The following ATP8A2 variants were observed in gnomAD, a reference collection of about 807,000 sequenced individuals.
The protein encoded by ATP8A2 is phospholipid-transporting ATPase IB.
A neutral mutation model predicts 165.6 loss-of-function variants in ATP8A2; 100 were observed. The observed-to-expected ratio is 0.60, with a 90% CI of 0.51 to 0.71. The LOEUF is 0.71. Among genes scored for constraint, ATP8A2 ranks in the 30% least tolerant of loss-of-function variants. ATP8A2 has a pLI of 0.00. For missense variants in ATP8A2, 1,227 were observed against 1,479.5 expected (o/e 0.83, Z 2.80); for synonymous variants, 543 against 548.8 (o/e 0.99, Z 0.15).
intron 27 of ATP8A2, among the ~76,000 whole-genome samples, chr13:25,820,178 T>C (rs543157222): frequency 6.6e-6 from 1 of 152,326 alleles, no homozygotes; most frequent in East Asian, 1.9e-4. Flanking sequence ...CCTGTGCAAT[T>C]AGCCAAGACG....
rs567310148 is a variant in ATP8A2, at chr13:25,448,138, C to T, written c.77-20839C>T. Among the ~76,000 whole-genome samples, 10 of 152,310 alleles carry T rather than the reference C, an allele frequency of 6.6e-5. No homozygotes were observed. In the East Asian group the frequency reaches 1.9e-3, roughly 29 times the overall value. On this transcript the variant is annotated intron_variant, in intron 1 of 36. Transcript: ENST00000381655. ...CCAGGCTTGAGGGTGGAACCCTTGC[C>T]AGGGACTCTGTCCTTTTCTACCTAG...
At chr13:25,576,442 T>G (rs2039620703) in intron 19 of ATP8A2, among the ~76,000 whole-genome samples, 1 of 151,552 alleles carries the variant, frequency 6.6e-6, no homozygotes. Context: ...GGAGATGAGG[T>G]GAGGCTGCAC....
chr13:25,493,337 C>T (rs907246631), intron 2 of ATP8A2, among the ~76,000 whole-genome samples: 3 of 152,158 alleles, frequency 2.0e-5, no homozygotes, highest in Non-Finnish European at 4.4e-5. Flanking sequence ...TATGACTACT[C>T]ATAACTTTGT....
intron 2 of ATP8A2, among the ~76,000 whole-genome samples, chr13:25,515,840 G>A (rs1472666854): frequency 6.6e-6 from 1 of 152,214 alleles, no homozygotes; most frequent in Non-Finnish European, 1.5e-5. Flanking sequence ...CACCTGCAGG[G>A]ATGGGTCCAC....
intron 1 of ATP8A2, among the ~76,000 whole-genome samples, chr13:25,437,011 A>G (rs764296034): frequency 6.6e-6 from 1 of 152,110 alleles, no homozygotes; most frequent in Non-Finnish European, 1.5e-5. Context: ...TCCTAAGCTC[A>G]AGTGACCCAC....
At chr13:25,752,566 A>G (rs184180237) in intron 25 of ATP8A2, among the ~76,000 whole-genome samples, 4 of 152,326 alleles carry the variant, frequency 2.6e-5, no homozygotes, top group Admixed American at 2.0e-4. Flanking sequence ...CAGTAGATGT[A>G]AAATGTATTG....
At chr13:25,637,997 G>C (rs1011622186) in intron 24 of ATP8A2, among the ~76,000 whole-genome samples, 2 of 152,266 alleles carry the variant, frequency 1.3e-5, no homozygotes, top group East Asian at 1.9e-4. Context: ...AGGCAAACAG[G>C]GTCTGGAGTG....
At chr13:25,908,270 G>A (rs1954004854) in intron 33 of ATP8A2, among the ~76,000 whole-genome samples, 1 of 152,196 alleles carries the variant, frequency 6.6e-6, no homozygotes, top group South Asian at 2.1e-4. Flanking sequence ...GTCATTGTGT[G>A]CAGCTCTAGT....
chr13:25,836,297 G>A (rs954833372), intron 28 of ATP8A2, among the ~76,000 whole-genome samples: 4 of 152,238 alleles, frequency 2.6e-5, no homozygotes, highest in African/African-American at 4.8e-5. Context: ...TGCTGGGGCC[G>A]AGTGCAGGAG....
intron 24 of ATP8A2, among the ~76,000 whole-genome samples, chr13:25,613,897 G>A (rs2040754917): frequency 1.3e-5 from 2 of 152,064 alleles, no homozygotes; most frequent in Non-Finnish European, 2.9e-5. Flanking sequence ...TTTCTGCTGA[G>A]AAATCTGCTG....
chr13:25,943,885 A>G (rs1005525843), intron 33 of ATP8A2, among the ~76,000 whole-genome samples: 1 of 152,248 alleles, frequency 6.6e-6, no homozygotes, highest in Non-Finnish European at 1.5e-5. Context: ...GTAATGATGC[A>G]TGACTGCTTG....
chr13:25,691,271 G>T (rs111437010), intron 24 of ATP8A2, among the ~76,000 whole-genome samples: 2 of 152,158 alleles, frequency 1.3e-5, no homozygotes, highest in Non-Finnish European at 2.9e-5. Flanking sequence ...TGTGGCCGGG[G>T]TTACCTGACT....
intron 2 of ATP8A2, among the ~76,000 whole-genome samples, chr13:25,528,053 A>G (rs1182661800): frequency 6.6e-6 from 1 of 152,198 alleles, no homozygotes; most frequent in Non-Finnish European, 1.5e-5. Context: ...TTTGTCCTCT[A>G]AGCCATAGTT....
rs1418176184 is a variant in ATP8A2 at position 25,953,788 on chromosome 13, G to C, written c.3184-7787G>C. On this transcript the variant is annotated intron_variant, in intron 33 of 36. Transcript: ENST00000381655. The surrounding 1 kb of genome is among the most constrained non-coding windows in gnomAD (Gnocchi z 6.7). ...CTCCCCTAGCCGAGGGAAGCCGTGA[G>C]GGACTGTGCTGTAAGGAACCATGCA... Among the ~76,000 whole-genome samples the C allele has an allele frequency of 6.6e-6, 1 of 152,116 alleles. No individual in the cohort carries two copies. Among genetic ancestry groups the C allele is most frequent in the African/African-American group, 2.4e-5 (1 of 41,430 alleles).
At chr13:25,373,876 C>T (rs1427451201) in intron 1 of ATP8A2, among the ~76,000 whole-genome samples, 1 of 152,178 alleles carries the variant, frequency 6.6e-6, no homozygotes, top group Non-Finnish European at 1.5e-5. Context: ...AGGACCGGCT[C>T]CAAGAGTGTA....
intron 15 of ATP8A2, among the ~76,000 whole-genome samples, chr13:25,561,017 G>A (rs2039134190): frequency 6.6e-6 from 1 of 151,754 alleles, no homozygotes; most frequent in Admixed American, 6.6e-5. Context: ...CTCCCGAGTA[G>A]CTGGGACTAC....
intron 35 of ATP8A2, among the ~76,000 whole-genome samples, chr13:25,993,548 T>A (rs779290964): frequency 2.6e-5 from 4 of 152,228 alleles, no homozygotes; most frequent in Admixed American, 6.5e-5. Context: ...GAGATTTAGA[T>A]CAAAGTTCTT....
chr13:25,727,004 A>AT (rs2138063567), intron 25 of ATP8A2, among the ~76,000 whole-genome samples: 1 of 152,000 alleles, frequency 6.6e-6, no homozygotes, highest in Non-Finnish European at 1.5e-5. Flanking sequence ...CGTTGTCTTG[A>AT]TTTTCCGTGT....
At chr13:25,880,292 G>A (rs1210731152) in intron 33 of ATP8A2, among the ~76,000 whole-genome samples, 1 of 150,198 alleles carries the variant, frequency 6.7e-6, no homozygotes, top group Non-Finnish European at 1.5e-5. Context: ...GGCAAACTTT[G>A]CTTTTTGTGA....
Sources: allele counts gnomAD v4.1 joint callset (sites outside exome capture counted in the v4.1 genomes callset), GRCh38; gene constraint gnomAD v4.1.1; non-coding constraint Gnocchi (gnomAD v3.1); transcripts MANE v1.5; gene names NCBI Gene and HGNC (gene_info 2026-07-23, HGNC 2026-07-21).